The following TNKS1BP1 variants were observed in gnomAD, a reference collection of about 807,000 sequenced individuals.
TNKS1BP1 encodes the protein 182 kDa tankyrase-1-binding protein.
TNKS1BP1 carries 48 observed loss-of-function variants against 141.1 expected under a neutral mutation model. The observed-to-expected ratio is 0.34, with a 90% CI of 0.27 to 0.43. TNKS1BP1 has a LOEUF of 0.43. TNKS1BP1 is among the 20% of genes least tolerant of loss of function. The pLI, the probability that TNKS1BP1 is intolerant of heterozygous loss-of-function variation, is 1.00. For missense variants in TNKS1BP1, 2,149 were observed against 2,226.0 expected (o/e 0.97, Z 0.70); for synonymous variants, 875 against 898.2 (o/e 0.97, Z 0.46).
intron 9 of TNKS1BP1, 43 bp from the exon 10 acceptor site, chr11:57,301,084 G>A (rs1451814816): frequency 6.5e-7 from 1 of 1,547,178 alleles, no homozygotes; most frequent in African/African-American, 1.4e-5. Context: ...AGAGGGACAG[G>A]CAGTAGGACT....
chr11:57,316,721 C>T (rs1430739695), intron 4 of TNKS1BP1, among the ~76,000 whole-genome samples: 1 of 152,204 alleles, frequency 6.6e-6, no homozygotes, highest in Non-Finnish European at 1.5e-5. Context: ...AAGCCGTCAT[C>T]ATCTCTCACT....
chr11:57,318,601 G>A (rs1016648115), intron 3 of TNKS1BP1, among the ~76,000 whole-genome samples: 1 of 152,230 alleles, frequency 6.6e-6, no homozygotes, highest in Non-Finnish European at 1.5e-5. Flanking sequence ...GCCCAGCAGA[G>A]CTGTTAAAGG....
chr11:57,308,305 A>C (rs1855643479), intron 6 of TNKS1BP1, 90 bp downstream of exon 6: 1 of 1,499,732 alleles, frequency 6.7e-7, no homozygotes, highest in South Asian at 1.4e-5. Flanking sequence ...CTCAGGAAAA[A>C]CTGTTTCTTC....
At chr11:57,316,370 T>C (rs938227310) in intron 4 of TNKS1BP1, among the ~76,000 whole-genome samples, 2 of 152,124 alleles carry the variant, frequency 1.3e-5, no homozygotes, top group Admixed American at 6.5e-5. Flanking sequence ...ACTCTGACAA[T>C]TCCCAAGTGT....
Position 57,320,647 on chromosome 11 carries a change from G to A in TNKS1BP1, c.160C>T (p.Pro54Ser), listed in dbSNP as rs1449757506. The change falls in exon 3 of 12, where the codon CCT (proline) becomes TCT (serine). Residue 54 changes from proline to serine, a missense_variant. Pro to Ser is a moderately conservative substitution (Grantham distance 74). Transcript: ENST00000358252. ...PRALPAKPAL[P>S]AKPSLLVPVG... ...GGCACCAGCAGGCTGGGTTTGGCAG[G>A]CAGGGCTGGCTTGGCAGGCAGGGCC... is the stretch of plus-strand genomic sequence containing the variant. 5 of 1,610,948 alleles carry A rather than the reference G, an allele frequency of 3.1e-6. No individual in the cohort carries two copies. Among genetic ancestry groups the A allele is most frequent in the East Asian group, 2.2e-5 (1 of 44,876 alleles).
chr11:57,315,115 G>A (rs1230545963), intron 4 of TNKS1BP1, among the ~76,000 whole-genome samples: 1 of 151,914 alleles, frequency 6.6e-6, no homozygotes, highest in East Asian at 1.9e-4. Context: ...CTGGTTCGTT[G>A]ACCTCCTCTT....
chr11:57,319,984 T>C (rs912954347), intron 3 of TNKS1BP1, 95 bp downstream of exon 3: 37 of 1,526,762 alleles, frequency 2.4e-5, no homozygotes, highest in Non-Finnish European at 3.1e-5. Context: ...GTCACAACCC[T>C]ATATGGGGCC....
At position 57,313,835 on chromosome 11, in the gene TNKS1BP1, G is replaced by A. The variant is rs1162201395; in HGVS notation, c.853C>T (p.Pro285Ser). ...SPAPSSENGG[P>S]ASPGLPAEAS... is the part of the protein sequence containing the mutation. ...TCTGCGGGGAGGCCTGGGCTGGCAG[G>A]GCCTCCATTCTCTGAGGAGGGGGCT... The change falls in exon 5 of 12, where the codon CCT (proline) becomes TCT (serine). Residue 285 changes from proline to serine, a missense_variant. Pro to Ser is a moderately conservative substitution (Grantham distance 74). Transcript: ENST00000358252. The A allele has an allele frequency of 3.9e-6, 6 of 1,533,220 alleles. No homozygotes were observed. Among genetic ancestry groups the A allele is most frequent in the Non-Finnish European group, 8.7e-7 (1 of 1,145,050 alleles). 95.0% of individuals were successfully genotyped at this position (1,533,220 alleles called of 1,614,324 possible).
Position 57,310,227 on chromosome 11 carries a change from TGGCTTTCCAACTACCCGGTCCTG to T in TNKS1BP1, c.2461_2483del (p.Gln821SerfsTer50). ...GGCTCCGCTGAGTGCCAAGCTGGGC[TGGCTTTCCAACTACCCGGTCCTG>T]GGCTGTGAGCACCCCTGGGGCAGAC... On this transcript the variant is annotated frameshift_variant, in exon 6 of 12. Transcript: ENST00000358252. LOFTEE classifies it high-confidence loss of function. 3 of 1,614,208 alleles carry T rather than the reference TGGCTTTCCAACTACCCGGTCCTG, an allele frequency of 1.9e-6. No homozygotes were observed. Among genetic ancestry groups the T allele is most frequent in the Non-Finnish European group, 2.5e-6 (3 of 1,180,030 alleles).
chr11:57,308,734 G>A lies in TNKS1BP1; in HGVS notation c.3977C>T (p.Pro1326Leu). ...TAGCCCCTGAGAACCTCCAGAGTCT[G>A]GGTCACAGGTCACCTCCAAATCCCT... is the stretch of plus-strand genomic sequence containing the variant. ...GLRDLEVTCD[P>L]DSGGSQGLRG... The change falls in exon 6 of 12, where the codon CCA becomes CTA. Residue 1326 changes from proline (P) to leucine (L), a missense_variant. Coordinates refer to ENST00000358252, the MANE Select transcript of TNKS1BP1 (RefSeq NM_033396.3). 6.2e-7 allele frequency: 1 copy of A among 1,613,708 alleles called. No individual in the cohort carries two copies. The highest frequency in any genetic ancestry group is 8.5e-7 in the Non-Finnish European group (1 of 1,180,020).
At chr11:57,301,441 C>T (rs1014530292) in intron 9 of TNKS1BP1, among the ~76,000 whole-genome samples, 3 of 152,172 alleles carry the variant, frequency 2.0e-5, no homozygotes, top group African/African-American at 7.2e-5. Flanking sequence ...CATCCCCCTC[C>T]ACTCTGCTGT....
chr11:57,314,302 G>C (rs1274109608), intron 4 of TNKS1BP1, among the ~76,000 whole-genome samples: 2 of 152,202 alleles, frequency 1.3e-5, no homozygotes, highest in African/African-American at 2.4e-5. Flanking sequence ...GTCGTGAGGG[G>C]AGAGAGGGTT....
At position 57,301,926 on chromosome 11, in the gene TNKS1BP1, C is replaced by G; in HGVS notation, c.4852G>C (p.Val1618Leu). ...ACTACCTCTTCATCTGAAGATGGCA[C>G]CCGAGATGCCCGTGGCTCTGCAAAG... ...QDSTEPRASRVPSSDEEVVEE... is the reference protein window; with the variant it reads ...QDSTEPRASRLPSSDEEVVEE... Residue 1618 changes from valine (V) to leucine (L), a missense_variant, in exon 9 of 12, where the codon GTG (valine) becomes CTG (leucine). Val to Leu is a conservative substitution (Grantham distance 32). Transcript: ENST00000358252. 2 of 1,613,852 alleles carry G rather than the reference C, an allele frequency of 1.2e-6. No individual in the cohort carries two copies.
intron 6 of TNKS1BP1, chr11:57,303,089 G>A (rs1283487110): frequency 7.9e-5 from 33 of 417,118 alleles, no homozygotes; most frequent in South Asian, 2.8e-4. Context: ...CTAACTGCAC[G>A]GAGTCGCTGC....
intron 4 of TNKS1BP1, among the ~76,000 whole-genome samples, chr11:57,316,228 A>C (rs1855797452): frequency 1.3e-5 from 2 of 151,936 alleles, no homozygotes; most frequent in South Asian, 4.2e-4. Flanking sequence ...GCCCTCCCCC[A>C]GTCCTGGAGG....
At chr11:57,314,359 C>T (rs191201465) in intron 4 of TNKS1BP1, among the ~76,000 whole-genome samples, 5 of 152,272 alleles carry the variant, frequency 3.3e-5, no homozygotes, top group East Asian at 3.9e-4. Flanking sequence ...CAGAGCAGCT[C>T]GGGGGAGTGG....
At chr11:57,324,481 C>T (rs1182885200) in intron 1 of TNKS1BP1, among the ~76,000 whole-genome samples, 2 of 94,982 alleles carry the variant, frequency 2.1e-5, no homozygotes, top group African/African-American at 8.5e-5. Flanking sequence ...GGGGGCGTGC[C>T]GAAGGAGCCG....
rs1285205017 is a variant in TNKS1BP1, at chr11:57,308,501, T to G, written c.4210A>C (p.Thr1404Pro). The change falls in exon 6 of 12, where the codon ACA becomes CCA. Residue 1404 changes from threonine to proline, a missense_variant. Transcript: ENST00000358252. ...TCACCCTGGGTCTCTGGCCCACTTG[T>G]CTCACCAACCCCCAGCTCCCTGGCC... is the stretch of plus-strand genomic sequence containing the variant. ...LEARELGVGE[T>P]SGPETQGEDY... 6.2e-7 allele frequency: 1 copy of G among 1,614,122 alleles called. No individual in the cohort carries two copies. Among genetic ancestry groups the G allele is most frequent in the Non-Finnish European group, 8.5e-7 (1 of 1,180,014 alleles).
chr11:57,313,869 G>A lies in TNKS1BP1; in HGVS notation c.819C>T (p.Pro273=). Reference sequence around the variant, plus strand: ...TCTCTGAGGAGGGGGCTGGACTTGAGGGAATCCAGGGCTTGGAAATCTGCA... The same window carrying A: ...TCTCTGAGGAGGGGGCTGGACTTGAAGGAATCCAGGGCTTGGAAATCTGCA... ...LPADISKPWI[P]SSPAPSSENG... is the part of the protein sequence containing the mutation. Residue 273 remains proline, a synonymous_variant, in exon 5 of 12, where the codon CCC becomes CCT. Transcript: ENST00000358252. 6.6e-7 allele frequency: 1 copy of A among 1,508,248 alleles called. No individual in the cohort carries two copies. Among genetic ancestry groups the A allele is most frequent in the East Asian group, 2.3e-5 (1 of 43,072 alleles). The allele number at this position is 1,508,248 out of a possible 1,614,324, so 93.4% of individuals were successfully genotyped here.
Sources: allele counts gnomAD v4.1 joint callset (sites outside exome capture counted in the v4.1 genomes callset), GRCh38; gene constraint gnomAD v4.1.1; transcripts MANE v1.5; gene names NCBI Gene and HGNC (gene_info 2026-07-23, HGNC 2026-07-21).